Variants in SLC16A5 observed in about 807,000 individuals in gnomAD.
SLC16A5 encodes solute carrier family 16 member 5.
Under a neutral mutation model 33.2 loss-of-function variants are expected in SLC16A5, and 29 were observed. That is an observed-to-expected ratio of 0.87 (90% CI 0.65 to 1.19). The LOEUF is 1.19. Ranked by LOEUF, SLC16A5 falls within the 50% of genes most tolerant of loss-of-function variation. SLC16A5 has a pLI of 0.00. For synonymous variants in SLC16A5, 248 were observed against 284.1 expected, an observed-to-expected ratio of 0.87 and a Z score of 1.28; for missense variants, 606 against 678.2, an observed-to-expected ratio of 0.89 and a Z score of 1.18.
intron 5 of SLC16A5, among the ~76,000 whole-genome samples, chr17:75,102,447 T>C (rs1346357397): frequency 6.6e-6 from 1 of 152,164 alleles, no homozygotes; most frequent in Non-Finnish European, 1.5e-5. Flanking sequence ...GGGATTACCT[T>C]CTAGGGCAGG....
At chr17:75,093,934 C>A in intron 3 of SLC16A5, 99 bp downstream of exon 3, 1 of 1,483,448 alleles carries the variant, frequency 6.7e-7, no homozygotes, top group Non-Finnish European at 9.0e-7. Flanking sequence ...AGGCCACAGG[C>A]TTTGCCTCCT....
intron 3 of SLC16A5, among the ~76,000 whole-genome samples, chr17:75,094,039 C>T (rs1283992586): frequency 1.3e-5 from 2 of 152,178 alleles, no homozygotes; most frequent in Non-Finnish European, 2.9e-5. Context: ...TGGGGAGGTG[C>T]CTGGGTTGCA....
At chr17:75,105,738 A>G in intron 6 of SLC16A5, 142 bp from the exon 7 acceptor site, 1 of 1,396,322 alleles carries the variant, frequency 7.2e-7, no homozygotes, top group Non-Finnish European at 9.3e-7. Flanking sequence ...GCTGACAAAC[A>G]GAGCTGGAGT....
chr17:75,105,649 G>A, intron 6 of SLC16A5: 1 of 985,394 alleles, frequency 1.0e-6, no homozygotes, highest in Middle Eastern at 5.2e-4. Context: ...GGTACCGAGG[G>A]AATGATAAAA....
chr17:75,088,366 G>A (rs1369546376), intron 1 of SLC16A5, among the ~76,000 whole-genome samples: 1 of 152,206 alleles, frequency 6.6e-6, no homozygotes, highest in Non-Finnish European at 1.5e-5. Context: ...CAGATTCCGG[G>A]GCAGCACTGC....
intron 3 of SLC16A5, among the ~76,000 whole-genome samples, chr17:75,095,586 C>T (rs1179846053): frequency 6.6e-6 from 1 of 152,156 alleles, no homozygotes; most frequent in African/African-American, 2.4e-5. Context: ...CAGCCTTAAC[C>T]TCTCAAGCTC....
chr17:75,107,638 G>A (rs760756181), downstream of SLC16A5, among the ~76,000 whole-genome samples: 28 of 151,700 alleles, frequency 1.8e-4, no homozygotes, highest in Non-Finnish European at 1.5e-4. Context: ...CCCCATCTCT[G>A]CTAAAAATAC....
chr17:75,093,697 ATGGTGACCCAGGGCCTCACCC>A lies in SLC16A5; in HGVS notation c.65_85del (p.Val22_Leu28del), dbSNP rs769363602. On this transcript the variant is annotated inframe_deletion, in exon 3 of 7. Transcript: ENST00000329783. ...GGCCTGGGTGGTGCTGCTGGCCACCATGGTGACCCAGGGCCTCACCCTGGGCTTCCCCACGTGTATCGGCAT... is the reference window on the plus strand; with the variant it reads ...GGCCTGGGTGGTGCTGCTGGCCACCATGGGCTTCCCCACGTGTATCGGCAT... The A allele has an allele frequency of 5.0e-5, 80 of 1,613,964 alleles. No homozygotes were observed. The Admixed American group carries it at 6.7e-4, about 13-fold the overall frequency.
chr17:75,093,742 ATCT>A lies in SLC16A5; in HGVS notation c.112_114del (p.Phe38del), dbSNP rs776908909. On this transcript the variant is annotated inframe_deletion, in exon 3 of 7. Transcript: ENST00000329783. ...CCTGGGCTTCCCCACGTGTATCGGC[ATCT>A]TCTTCACTGAATTGCAATGGGAGTT... 114 of 1,614,138 alleles carry A rather than the reference ATCT, an allele frequency of 7.1e-5. No homozygotes were observed. Among genetic ancestry groups the A allele is most frequent in the Admixed American group, 4.3e-4 (26 of 60,026 alleles).
At chr17:75,097,892 T>C in intron 3 of SLC16A5, 146 bp from the exon 4 acceptor site, 1 of 886,816 alleles carries the variant, frequency 1.1e-6, no homozygotes, top group Non-Finnish European at 1.7e-6. Context: ...GGCCAGTCCA[T>C]GGCAGGTGGG....
chr17:75,102,218 C>T (rs2073808865), intron 5 of SLC16A5, among the ~76,000 whole-genome samples: 1 of 152,160 alleles, frequency 6.6e-6, no homozygotes, highest in Non-Finnish European at 1.5e-5. Flanking sequence ...CCCAGCCTGA[C>T]CAACATGGTG....
At chr17:75,106,221 G>C, downstream of SLC16A5, 1 of 422,856 alleles carries the variant, frequency 2.4e-6, no homozygotes, top group South Asian at 4.8e-5. Flanking sequence ...GACTCGGTGA[G>C]CATCCTGACG....
intron 2 of SLC16A5, among the ~76,000 whole-genome samples, chr17:75,092,276 TGTGA>T (rs1341122418): frequency 1.3e-5 from 2 of 152,172 alleles, no homozygotes; most frequent in East Asian, 1.9e-4. Context: ...TCTGTGTTCG[TGTGA>T]GTGTCTACGC....
In SLC16A5 at chr17:75,099,855, C is replaced by T. The variant is rs150313247; in HGVS notation, c.344-152C>T. On this transcript the variant is annotated intron_variant, in intron 4 of 6. Transcript: ENST00000329783. ...GCCTACAGGGAGGTGGCGAGGCCAG[C>T]TGATTCCATGGTCAGTCCCCAGGGA... 3.3e-3 allele frequency: 2,450 copies of T among 744,906 alleles called. 66 individuals carry two copies. The Admixed American group carries it at 0.052, about 16-fold the overall frequency. 46.1% of individuals were successfully genotyped at this position (744,906 alleles called of 1,614,324 possible).
Position 75,106,159 on chromosome 17 carries a change from A to G in SLC16A5, c.*126A>G. The G allele has an allele frequency of 1.9e-6, 1 of 518,474 alleles. No homozygotes were observed. Among genetic ancestry groups the G allele is most frequent in the Admixed American group, 3.6e-5 (1 of 28,122 alleles). The allele number at this position is 518,474 out of a possible 1,614,324, so 32.1% of individuals were successfully genotyped here. On this transcript the variant is annotated 3_prime_UTR_variant, in exon 7 of 7. Transcript: ENST00000329783. Reference sequence around the variant, plus strand: ...ATAATAAAATTTAATTTTAAAAAAGAAAACGTAGGAGGTTGGTTTGGATGA... The same window carrying G: ...ATAATAAAATTTAATTTTAAAAAAGGAAACGTAGGAGGTTGGTTTGGATGA...
intron 3 of SLC16A5, among the ~76,000 whole-genome samples, chr17:75,094,589 G>A (rs2073690532): frequency 6.6e-6 from 1 of 151,878 alleles, no homozygotes; most frequent in Non-Finnish European, 1.5e-5. Flanking sequence ...AGGAGGCTGA[G>A]GCAGGAGAAT....
At chr17:75,102,955 A>C (rs1292963508) in intron 5 of SLC16A5, among the ~76,000 whole-genome samples, 1 of 151,718 alleles carries the variant, frequency 6.6e-6, no homozygotes, top group Non-Finnish European at 1.5e-5. Context: ...CAGTGGCGTG[A>C]TCTCAGCTCA....
chr17:75,105,852 T>C (rs753291659), intron 6 of SLC16A5, 28 bp from the exon 7 acceptor site: 3 of 1,555,644 alleles, frequency 1.9e-6, no homozygotes, highest in Non-Finnish European at 2.6e-6. Context: ...AAGAAAACCT[T>C]ATCAGGAGAT....
chr17:75,107,587 G>A (rs1362888711), downstream of SLC16A5, among the ~76,000 whole-genome samples: 4 of 151,980 alleles, frequency 2.6e-5, no homozygotes, highest in Non-Finnish European at 5.9e-5. Context: ...GGTGGATCAC[G>A]AGGTCAAGAT....
Sources: gnomAD v4.1 joint callset for allele counts (sites outside exome capture counted in the v4.1 genomes callset) on GRCh38, gnomAD v4.1.1 for gene constraint, MANE v1.5 for transcripts, NCBI Gene and HGNC (gene_info 2026-07-23, HGNC 2026-07-21) for gene names.